Variants in PTPN3 observed in about 807,000 individuals in gnomAD.
PTPN3 encodes tyrosine-protein phosphatase non-receptor type 3.
A neutral mutation model predicts 132.7 loss-of-function variants in PTPN3; 96 were observed. That is an observed-to-expected ratio of 0.72 (90% CI 0.61 to 0.86). The LOEUF (loss-of-function observed/expected upper bound fraction) is 0.86, where lower values mean the gene tolerates loss of function less well. PTPN3 is among the 40% of genes least tolerant of loss of function. The pLI, the probability that PTPN3 is intolerant of heterozygous loss-of-function variation, is 0.00. For synonymous variants in PTPN3, 398 were observed against 429.0 expected (o/e 0.93, Z 0.89); for missense variants, 1,125 against 1,159.6 (o/e 0.97, Z 0.43).
In PTPN3 at chr9:109,485,456, C is replaced by T. The variant is rs1024888641; in HGVS notation, c.-18+12763G>A. 2.6e-5 allele frequency among the ~76,000 whole-genome samples: 4 copies of T among 151,762 alleles called. No individual in the cohort carries two copies. The South Asian group carries it at 6.3e-4, about 24-fold the overall frequency. On this transcript the variant is annotated intron_variant, in intron 1 of 25. Transcript: ENST00000374541. ...CTGGGAGGCGGAGCTTGCAGTGAGC[C>T]GAGATTGCGCCACTGCACTCCAGCC...
chr9:109,529,498 A>G, the PTPN3 span, among the ~76,000 whole-genome samples: 1 of 152,224 alleles, frequency 6.6e-6, no homozygotes, highest in African/African-American at 2.4e-5. Flanking sequence ...AATTCTTGTG[A>G]GTATTTCCAG....
At chr9:109,383,668 G>A in intron 22 of PTPN3, 117 bp from the exon 23 acceptor site, 2 of 1,400,906 alleles carry the variant, frequency 1.4e-6, no homozygotes, top group Middle Eastern at 2.5e-4. Flanking sequence ...GAGCACTGAT[G>A]GGAGAAAACA....
chr9:109,496,233 T>A (rs1847662463), intron 1 of PTPN3, among the ~76,000 whole-genome samples: 1 of 152,238 alleles, frequency 6.6e-6, no homozygotes, highest in Non-Finnish European at 1.5e-5. Context: ...TTATGGGAGC[T>A]CGCTATAAAC....
intron 19 of PTPN3, among the ~76,000 whole-genome samples, chr9:109,394,638 T>C (rs1020432224): frequency 4.6e-5 from 7 of 152,194 alleles, no homozygotes; most frequent in South Asian, 2.1e-4. Context: ...TACAATTTTA[T>C]ACAAATTTAT....
chr9:109,521,732 T>C, the PTPN3 span, among the ~76,000 whole-genome samples: 1 of 152,362 alleles, frequency 6.6e-6, no homozygotes, highest in East Asian at 1.9e-4. Context: ...TAGACTTGAA[T>C]TTCCACAAAA....
At chr9:109,529,798 TAAAC>T in the PTPN3 span, among the ~76,000 whole-genome samples, 8 of 152,338 alleles carry the variant, frequency 5.3e-5, no homozygotes, top group African/African-American at 1.9e-4. Flanking sequence ...GTATACCTAT[TAAAC>T]AACAACACAT....
chr9:109,408,401 CA>C, intron 16 of PTPN3, 24 bp from the exon 17 acceptor site: 2 of 1,552,630 alleles, frequency 1.3e-6, no homozygotes, highest in Non-Finnish European at 8.7e-7. Flanking sequence ...AAAATAAAAA[CA>C]AAACAAAGTT....
At chr9:109,480,895 A>AATGGATGGATGG (rs199785673) in intron 1 of PTPN3, among the ~76,000 whole-genome samples, 39 of 151,812 alleles carry the variant, frequency 2.6e-4, no homozygotes, top group Non-Finnish European at 4.6e-4. Flanking sequence ...CTGTGGGATG[A>AATGGATGGATGG]ATGGATGGAT....
intron 1 of PTPN3, among the ~76,000 whole-genome samples, chr9:109,475,968 C>T (rs532848879): frequency 2.6e-5 from 4 of 152,296 alleles, no homozygotes; most frequent in African/African-American, 9.6e-5. Flanking sequence ...TCTCCACTTA[C>T]CCCCACGAAG....
intron 2 of PTPN3, among the ~76,000 whole-genome samples, chr9:109,462,949 A>G (rs1214611717): frequency 5.9e-5 from 9 of 151,290 alleles, no homozygotes; most frequent in Admixed American, 4.6e-4. Flanking sequence ...CTAATGAAGC[A>G]TATATAGGGT....
intron 23 of PTPN3, 113 bp from the exon 24 acceptor site, chr9:109,382,560 C>T: frequency 8.0e-7 from 1 of 1,242,930 alleles, no homozygotes; most frequent in East Asian, 2.4e-5. Flanking sequence ...CCTCTGCGCA[C>T]AGCCCTGCTG....
the PTPN3 span, among the ~76,000 whole-genome samples, chr9:109,524,917 T>C: frequency 3.3e-5 from 5 of 152,152 alleles, no homozygotes; most frequent in Non-Finnish European, 7.3e-5. Flanking sequence ...TTTGTATTTT[T>C]AGTAGAGACG....
chr9:109,438,112 A>G lies in PTPN3; in HGVS notation c.587+2T>C. ...AAAGTAGGCCACCCCAGCCCCCCTC[A>G]CCTGTGCTGCTCATGCAGAGATTCG... On this transcript the variant is annotated splice_donor_variant, in intron 8 of 25. Coordinates refer to ENST00000374541, the MANE Select transcript of PTPN3 (RefSeq NM_002829.4). LOFTEE classifies it high-confidence loss of function. 1 of 1,613,024 alleles carries G rather than the reference A, an allele frequency of 6.2e-7. No individual in the cohort carries two copies. Among genetic ancestry groups the G allele is most frequent in the Non-Finnish European group, 8.5e-7 (1 of 1,179,594 alleles).
intron 14 of PTPN3, among the ~76,000 whole-genome samples, chr9:109,419,672 C>T (rs1457716300): frequency 1.3e-5 from 2 of 152,122 alleles, no homozygotes; most frequent in Non-Finnish European, 2.9e-5. Context: ...AGGTCCTATA[C>T]AAGAAATCTG....
chr9:109,484,297 C>A (rs1017847494), intron 1 of PTPN3, among the ~76,000 whole-genome samples: 3 of 152,224 alleles, frequency 2.0e-5, no homozygotes, highest in African/African-American at 7.2e-5. Context: ...ATCACACGAC[C>A]TTGTGAGGTG....
intron 1 of PTPN3, among the ~76,000 whole-genome samples, chr9:109,469,003 T>C (rs865867032): frequency 5.9e-5 from 9 of 152,344 alleles, no homozygotes; most frequent in Middle Eastern, 3.4e-3. Flanking sequence ...TTGTGATAGA[T>C]ATGTGATACA....
rs887067078 is a variant in PTPN3, at chr9:109,463,458, C to T, written c.-17-7G>A. On this transcript the variant is annotated splice_polypyrimidine_tract_variant and splice_region_variant and intron_variant, in intron 1 of 25. Coordinates refer to ENST00000374541, the MANE Select transcript of PTPN3 (RefSeq NM_002829.4). The stretch of plus-strand genomic sequence containing the variant: ...ATAACTATCGCTGAATAACCTGTAA[C>T]ATAAAATATACCTGTTAGTGCTTTA... 19 of 1,600,676 alleles carry T rather than the reference C, an allele frequency of 1.2e-5. No homozygotes were observed. Among genetic ancestry groups the T allele is most frequent in the Non-Finnish European group, 1.5e-5 (18 of 1,175,254 alleles).
intron 12 of PTPN3, among the ~76,000 whole-genome samples, chr9:109,423,061 T>C (rs1008324285): frequency 6.6e-6 from 1 of 152,238 alleles, no homozygotes; most frequent in South Asian, 2.1e-4. Flanking sequence ...GTGAAAATCC[T>C]TTCTTGTCCT....
chr9:109,397,484 A>G (rs1364997660), intron 19 of PTPN3: 1 of 152,236 alleles, frequency 6.6e-6, no homozygotes, highest in Non-Finnish European at 1.5e-5. Flanking sequence ...GCCCACCCCA[A>G]GAGGTTGTTT....
Sources: allele counts gnomAD v4.1 joint callset (sites outside exome capture counted in the v4.1 genomes callset), GRCh38; gene constraint gnomAD v4.1.1; transcripts MANE v1.5; gene names NCBI Gene and HGNC (gene_info 2026-07-23, HGNC 2026-07-21).